PCDH9: variants seen among roughly 807,000 people sequenced by gnomAD.
PCDH9 encodes the protein protocadherin 9.
In PCDH9, 24 loss-of-function variants were observed where a neutral mutation model predicts 70.6. That is an observed-to-expected ratio of 0.34 (90% CI 0.25 to 0.48). PCDH9 has a LOEUF of 0.48. Among genes scored for constraint, PCDH9 ranks in the 20% least tolerant of loss-of-function variants. PCDH9 has a pLI of 0.99. For synonymous variants in PCDH9, 562 were observed against 558.5 expected (o/e 1.01, Z -0.09); for missense variants, 1,281 against 1,503.6 (o/e 0.85, Z 2.45).
intron 3 of PCDH9, among the ~76,000 whole-genome samples, chr13:66,681,492 A>T (rs1225947790): frequency 6.6e-6 from 1 of 152,036 alleles, no homozygotes; most frequent in Non-Finnish European, 1.5e-5. Context: ...GCTTAACAGG[A>T]CTTATGCAGC....
chr13:66,714,875 C>T (rs1435701243), intron 3 of PCDH9, among the ~76,000 whole-genome samples: 2 of 152,080 alleles, frequency 1.3e-5, no homozygotes, highest in East Asian at 1.9e-4. Context: ...ATTCTAATAA[C>T]TCATTGTTAC....
At chr13:66,362,401 G>T (rs565833112) in intron 4 of PCDH9, among the ~76,000 whole-genome samples, 1 of 152,068 alleles carries the variant, frequency 6.6e-6, no homozygotes, top group Non-Finnish European at 1.5e-5. Flanking sequence ...CCATCAGGGG[G>T]CTATTCTCAA....
At chr13:66,663,813 G>A (rs920721012) in intron 3 of PCDH9, among the ~76,000 whole-genome samples, 5 of 152,254 alleles carry the variant, frequency 3.3e-5, no homozygotes, top group South Asian at 2.1e-4. Context: ...AAGGTTCCAT[G>A]GAATCCTTTG....
chr13:67,082,541 T>C (rs1015944738), intron 2 of PCDH9, among the ~76,000 whole-genome samples: 18 of 152,152 alleles, frequency 1.2e-4, no homozygotes, highest in Admixed American at 1.2e-3. Context: ...TTAAATTTAT[T>C]TTACAAGTGA....
intron 2 of PCDH9, among the ~76,000 whole-genome samples, chr13:67,107,945 G>T (rs2086580518): frequency 6.6e-6 from 1 of 152,154 alleles, no homozygotes; most frequent in African/African-American, 2.4e-5. Flanking sequence ...TTGTCTAGAT[G>T]TGGGTGCCCA....
chr13:66,478,020 G>T (rs758309758), intron 4 of PCDH9, among the ~76,000 whole-genome samples: 6 of 152,120 alleles, frequency 3.9e-5, no homozygotes, highest in Non-Finnish European at 5.9e-5. Context: ...CATTGAGCAA[G>T]TATAGCAGCA....
intron 4 of PCDH9, among the ~76,000 whole-genome samples, chr13:66,485,602 A>G (rs1251698211): frequency 1.3e-5 from 2 of 151,770 alleles, no homozygotes; most frequent in African/African-American, 4.9e-5. Flanking sequence ...ATATGACAAA[A>G]TCATATATAT....
intron 2 of PCDH9, among the ~76,000 whole-genome samples, chr13:67,147,444 T>A (rs1316038857): frequency 6.6e-6 from 1 of 152,144 alleles, no homozygotes; most frequent in Non-Finnish European, 1.5e-5. Context: ...TGCTGTTTGG[T>A]TACAATCTAA....
At chr13:66,960,266 A>C (rs2083325650) in intron 2 of PCDH9, among the ~76,000 whole-genome samples, 1 of 152,218 alleles carries the variant, frequency 6.6e-6, no homozygotes, top group African/African-American at 2.4e-5. Context: ...AAAGAAAATA[A>C]TCACAAAAGA....
Position 66,559,550 on chromosome 13 carries a change from C to T in PCDH9, c.3340+71660G>A, listed in dbSNP as rs549272862. Among the ~76,000 whole-genome samples the T allele has an allele frequency of 5.3e-5, 8 of 152,028 alleles. No homozygotes were observed. The South Asian group carries it at 1.7e-3, about 32-fold the overall frequency. ...GCACAGTGGCTCACGCCTGTAATCC[C>T]AGCACTTCGGGAAGCTGAGGTGGGT... On this transcript the variant is annotated intron_variant, in intron 4 of 4. Coordinates refer to ENST00000377865, the MANE Select transcript of PCDH9 (RefSeq NM_203487.3).
chr13:66,545,647 T>C (rs1047165937), intron 4 of PCDH9, among the ~76,000 whole-genome samples: 1 of 152,126 alleles, frequency 6.6e-6, no homozygotes, highest in Admixed American at 6.6e-5. Context: ...GTTCAATGCC[T>C]TATTCAATTG....
chr13:66,733,845 G>A (rs2079108618), intron 3 of PCDH9, among the ~76,000 whole-genome samples: 1 of 151,952 alleles, frequency 6.6e-6, no homozygotes, highest in Non-Finnish European at 1.5e-5. Flanking sequence ...TCACTTTACT[G>A]AGTTCTTATG....
chr13:67,015,718 C>T (rs1211958046), intron 2 of PCDH9, among the ~76,000 whole-genome samples: 2 of 152,170 alleles, frequency 1.3e-5, no homozygotes, highest in South Asian at 2.1e-4. Flanking sequence ...TATTCAACTG[C>T]TTTACATGTT....
intron 3 of PCDH9, among the ~76,000 whole-genome samples, chr13:66,719,553 T>C (rs1301510929): frequency 6.6e-6 from 1 of 152,204 alleles, no homozygotes; most frequent in Non-Finnish European, 1.5e-5. Context: ...TTAGACTTCC[T>C]GTCTGCAGAA....
chr13:66,887,772 A>C (rs940717752), intron 3 of PCDH9, among the ~76,000 whole-genome samples: 6 of 152,218 alleles, frequency 3.9e-5, no homozygotes, highest in Non-Finnish European at 8.8e-5. Flanking sequence ...GCACTAATTT[A>C]GAAGTTAAAG....
intron 3 of PCDH9, among the ~76,000 whole-genome samples, chr13:66,896,426 C>A (rs959667027): frequency 2.6e-5 from 4 of 151,136 alleles, no homozygotes; most frequent in Non-Finnish European, 5.9e-5. Context: ...GCACATGTAT[C>A]CCAGAACTTC....
intron 3 of PCDH9, among the ~76,000 whole-genome samples, chr13:66,807,111 A>G (rs1051885453): frequency 2.0e-5 from 3 of 152,184 alleles, no homozygotes; most frequent in African/African-American, 7.2e-5. Context: ...TTTTTTACAG[A>G]ATGAAATTAG....
intron 2 of PCDH9, among the ~76,000 whole-genome samples, chr13:66,904,521 G>T (rs968846096): frequency 6.6e-6 from 1 of 151,792 alleles, no homozygotes; most frequent in Non-Finnish European, 1.5e-5. Flanking sequence ...CCCCAGAAAA[G>T]GTTCATCATT....
At position 67,052,539 on chromosome 13, in the gene PCDH9, T is replaced by A. The variant is rs187367888; in HGVS notation, c.3037-148934A>T. Among the ~76,000 whole-genome samples the A allele has an allele frequency of 2.1e-3, 324 of 151,274 alleles. 2 individuals carry two copies. The highest frequency in any genetic ancestry group is 8.8e-3 in the South Asian group (42 of 4,790). On this transcript the variant is annotated intron_variant, in intron 2 of 4. Coordinates refer to ENST00000377865, the MANE Select transcript of PCDH9 (RefSeq NM_203487.3). ...AGGATCCTATTTGCATTATAGAAGATCAATCTAGCAGCAGCTGAAAAAAAA... is the reference window on the plus strand; with the variant it reads ...AGGATCCTATTTGCATTATAGAAGAACAATCTAGCAGCAGCTGAAAAAAAA...
Sources: gnomAD v4.1 joint callset for allele counts (sites outside exome capture counted in the v4.1 genomes callset) on GRCh38, gnomAD v4.1.1 for gene constraint, MANE v1.5 for transcripts, NCBI Gene and HGNC (gene_info 2026-07-23, HGNC 2026-07-21) for gene names.